Variants in MACROD2 observed in about 807,000 individuals in gnomAD.
The protein encoded by MACROD2 is mono-ADP ribosylhydrolase 2.
Under a neutral mutation model 70.4 loss-of-function variants are expected in MACROD2, and 36 were observed. That is an observed-to-expected ratio of 0.51 (90% CI 0.39 to 0.68). The LOEUF (loss-of-function observed/expected upper bound fraction) is 0.68, where lower values mean the gene tolerates loss of function less well. Among genes scored for constraint, MACROD2 ranks in the 30% least tolerant of loss-of-function variants. The pLI, the probability that MACROD2 is intolerant of heterozygous loss-of-function variation, is 0.00. For missense variants in MACROD2, 496 were observed against 538.4 expected (o/e 0.92, Z 0.78); for synonymous variants, 172 against 178.8 (o/e 0.96, Z 0.30).
At chr20:15,106,977 T>G (rs2123209604) in intron 5 of MACROD2, among the ~76,000 whole-genome samples, 1 of 102,820 alleles carries the variant, frequency 9.7e-6, no homozygotes, top group Non-Finnish European at 1.9e-5. Context: ...TCCCCTAATG[T>G]ATGATTTATA....
intron 4 of MACROD2, among the ~76,000 whole-genome samples, chr20:14,535,505 C>CAAAAAA (rs11357982): frequency 1.6e-5 from 1 of 62,990 alleles, no homozygotes; most frequent in African/African-American, 5.9e-5. Context: ...AACTCCGTCT[C>CAAAAAA]AAAAAAAAAA....
At chr20:15,866,941 T>G (rs2064501842) in intron 9 of MACROD2, among the ~76,000 whole-genome samples, 1 of 152,150 alleles carries the variant, frequency 6.6e-6, no homozygotes, top group Admixed American at 6.6e-5. Flanking sequence ...TATTAGTTTG[T>G]CAGGCCTCTA....
chr20:14,946,079 A>C (rs970927910), intron 5 of MACROD2, among the ~76,000 whole-genome samples: 9 of 152,114 alleles, frequency 5.9e-5, no homozygotes, highest in African/African-American at 1.9e-4. Context: ...AGTGCCTGTA[A>C]TCCCAGCTAC....
At chr20:14,837,496 G>C (rs899108563) in intron 5 of MACROD2, among the ~76,000 whole-genome samples, 2 of 152,068 alleles carry the variant, frequency 1.3e-5, no homozygotes, top group East Asian at 3.9e-4. Flanking sequence ...TCAATAATGT[G>C]TTTCCTCCCA....
chr20:15,292,691 A>T (rs2077551637), intron 6 of MACROD2, among the ~76,000 whole-genome samples: 1 of 152,228 alleles, frequency 6.6e-6, no homozygotes, highest in South Asian at 2.1e-4. Flanking sequence ...CTCTAGCTAT[A>T]CAATTAGCTA....
At chr20:15,918,039 G>A (rs2065345652) in intron 10 of MACROD2, among the ~76,000 whole-genome samples, 1 of 152,094 alleles carries the variant, frequency 6.6e-6, no homozygotes, top group Non-Finnish European at 1.5e-5. Context: ...TGCAAGAGTG[G>A]GGAGTTCTAT....
intron 4 of MACROD2, among the ~76,000 whole-genome samples, chr20:14,494,601 C>T (rs2084833382): frequency 6.6e-6 from 1 of 152,052 alleles, no homozygotes; most frequent in Admixed American, 6.6e-5. Context: ...TATCTCCAAG[C>T]CTCAGTTACC....
At chr20:14,718,229 G>T (rs543791628) in intron 5 of MACROD2, among the ~76,000 whole-genome samples, 1 of 146,240 alleles carries the variant, frequency 6.8e-6, no homozygotes, top group Non-Finnish European at 1.5e-5. Context: ...GGAGGCGGAG[G>T]TTGTGGTGAG....
At chr20:14,525,434 A>G (rs1229225870) in intron 4 of MACROD2, among the ~76,000 whole-genome samples, 1 of 152,252 alleles carries the variant, frequency 6.6e-6, no homozygotes, top group East Asian at 1.9e-4. Flanking sequence ...TATTGTCATT[A>G]TAATTCATAT....
At chr20:14,588,643 G>T (rs1981548782) in intron 4 of MACROD2, among the ~76,000 whole-genome samples, 1 of 152,034 alleles carries the variant, frequency 6.6e-6, no homozygotes, top group Admixed American at 6.6e-5. Context: ...GAGTAGCTGG[G>T]ATTACAGATG....
At chr20:15,713,336 C>G (rs533598600) in intron 8 of MACROD2, among the ~76,000 whole-genome samples, 5 of 152,290 alleles carry the variant, frequency 3.3e-5, no homozygotes, top group African/African-American at 1.2e-4. Flanking sequence ...AACTTTAGTT[C>G]TGGGCTTCAG....
At chr20:15,963,147 C>T (rs1349466287) in intron 12 of MACROD2, among the ~76,000 whole-genome samples, 3 of 152,092 alleles carry the variant, frequency 2.0e-5, no homozygotes, top group Admixed American at 1.3e-4. Context: ...AATCAGTTAA[C>T]GAGAATCAAA....
intron 9 of MACROD2, among the ~76,000 whole-genome samples, chr20:15,863,410 A>C (rs556217995): frequency 6.6e-6 from 1 of 152,198 alleles, no homozygotes; most frequent in African/African-American, 2.4e-5. Context: ...TGAGTAATGT[A>C]TTTACATCGA....
At chr20:14,798,732 G>A (rs1427468436) in intron 5 of MACROD2, among the ~76,000 whole-genome samples, 1 of 151,988 alleles carries the variant, frequency 6.6e-6, no homozygotes, top group East Asian at 1.9e-4. Context: ...TTAGTTTGAT[G>A]TATAAATACA....
intron 3 of MACROD2, among the ~76,000 whole-genome samples, chr20:14,150,849 T>A (rs2148710989): frequency 6.6e-6 from 1 of 152,292 alleles, no homozygotes; most frequent in Middle Eastern, 3.4e-3. Context: ...CAGGAAAATA[T>A]AATGGTAACA....
At chr20:14,318,092 C>T (rs944288488) in intron 3 of MACROD2, among the ~76,000 whole-genome samples, 13 of 152,062 alleles carry the variant, frequency 8.5e-5, no homozygotes, top group African/African-American at 2.4e-4. Flanking sequence ...AATTAAAATG[C>T]GAGTTTCCAG....
At position 14,269,507 on chromosome 20, in the gene MACROD2, T is replaced by C. The variant is rs2082172601; in HGVS notation, c.271+183779T>C. Among the ~76,000 whole-genome samples, 3 of 152,236 alleles carry C rather than the reference T, an allele frequency of 2.0e-5. No individual in the cohort carries two copies. The South Asian group carries it at 6.2e-4, about 32-fold the overall frequency. On this transcript the variant is annotated intron_variant, in intron 3 of 17. Coordinates refer to ENST00000684519, the MANE Select transcript of MACROD2 (RefSeq NM_001351661.2). ...CAAGATAGTATTGGCAAAATCTATC[T>C]TGTTATTCTTAGCAACATAAATAAG...
chr20:15,371,742 A>T (rs2146262919), intron 6 of MACROD2, among the ~76,000 whole-genome samples: 1 of 152,290 alleles, frequency 6.6e-6, no homozygotes, highest in South Asian at 2.1e-4. Flanking sequence ...AATATTTTTT[A>T]AAAAGCACCT....
chr20:15,130,893 T>C (rs2076099915), intron 5 of MACROD2, among the ~76,000 whole-genome samples: 1 of 152,108 alleles, frequency 6.6e-6, no homozygotes, highest in Non-Finnish European at 1.5e-5. Flanking sequence ...GGAAACTCTC[T>C]GAAGCCATAG....
Sources: gnomAD v4.1 joint callset for allele counts (sites outside exome capture counted in the v4.1 genomes callset) on GRCh38, gnomAD v4.1.1 for gene constraint, MANE v1.5 for transcripts, NCBI Gene and HGNC (gene_info 2026-07-23, HGNC 2026-07-21) for gene names.